DDHD1: variants seen among roughly 807,000 people sequenced by gnomAD.
DDHD1 encodes the protein DDHD domain containing 1.
Under a neutral mutation model 96.4 loss-of-function variants are expected in DDHD1, and 49 were observed. That is an observed-to-expected ratio of 0.51 (90% confidence interval 0.40 to 0.64). DDHD1 has a LOEUF of 0.64. Among genes scored for constraint, DDHD1 ranks in the 30% least tolerant of loss-of-function variants. DDHD1 has a pLI of 0.00. For missense variants in DDHD1, 1,106 were observed against 1,161.2 expected (o/e 0.95, Z 0.69); for synonymous variants, 442 against 446.5 (o/e 0.99, Z 0.13).
In DDHD1 at chr14:53,038,992, T is replaced by G. The variant is rs1474462945; in HGVS notation, c.*7776A>C. 1 of 152,198 alleles carries G rather than the reference T, an allele frequency of 6.6e-6. No individual in the cohort carries two copies. Among genetic ancestry groups the G allele is most frequent in the Non-Finnish European group, 1.5e-5 (1 of 68,028 alleles). 9.4% of individuals were successfully genotyped at this position (152,198 alleles called of 1,614,324 possible). On this transcript the variant is annotated 3_prime_UTR_variant, in exon 13 of 13. Coordinates refer to ENST00000673822, the MANE Select transcript of DDHD1 (RefSeq NM_001160148.2). ...GCAGTAATTAACTTCAACCAGGGGA[T>G]CACAAGACATTATCTTCAAAGACAA...
At chr14:53,152,125 A>ATGAG in intron 1 of DDHD1, 136 bp downstream of exon 1, 1 of 842,296 alleles carries the variant, frequency 1.2e-6, no homozygotes, top group South Asian at 2.6e-5. Flanking sequence ...TCCCTGCTCA[A>ATGAG]TCTCCATCCT....
In DDHD1 at chr14:53,136,051, C is replaced by T. The variant is rs1050987521; in HGVS notation, c.838+16210G>A. 6.6e-5 allele frequency among the ~76,000 whole-genome samples: 10 copies of T among 152,304 alleles called. No homozygotes were observed. In the East Asian group the frequency reaches 1.9e-3, roughly 29 times the overall value. ...GTAATTTGTTTCTGCCCCACCCTAA[C>T]TGATCAATGTGCTTTGTAATTTCCC... On this transcript the variant is annotated intron_variant, in intron 1 of 12. Coordinates refer to ENST00000673822, the MANE Select transcript of DDHD1 (RefSeq NM_001160148.2).
intron 2 of DDHD1, among the ~76,000 whole-genome samples, chr14:53,098,131 A>C (rs943330829): frequency 7.2e-5 from 11 of 152,026 alleles, no homozygotes; most frequent in Admixed American, 5.9e-4. Context: ...TTCAAGTGCC[A>C]GAAAGCACTA....
chr14:53,082,758 CAAAA>C (rs11368593), intron 4 of DDHD1, among the ~76,000 whole-genome samples: 3 of 98,848 alleles, frequency 3.0e-5, no homozygotes, highest in African/African-American at 6.7e-5. Flanking sequence ...GACTCTATCT[CAAAA>C]AAAAAAAAAA....
In DDHD1 at chr14:53,063,181, G is replaced by C. The variant is rs777454889; in HGVS notation, c.1528C>G (p.Leu510Val). 1.2e-5 allele frequency: 20 copies of C among 1,613,582 alleles called. No homozygotes were observed. The South Asian group carries it at 2.1e-4, about 17-fold the overall frequency. The change falls in exon 7 of 13, where the codon CTG (leucine) becomes GTG (valine). Residue 510 changes from leucine to valine, a missense_variant. This residue lies in a region of DDHD1 where 650 missense variants were observed against 758.8 expected (regional missense o/e 0.86). Transcript: ENST00000673822. ...CAGAAAAGGGAATACAATCGATTCA[G>C]CTCTTGCTGAAGGCCTTTAACTAGC... ...DELVKGLQQE[L>V]NRLYSLFCSR...
rs1056272574 is a variant in DDHD1 at position 53,039,213 on chromosome 14, A to C, written c.*7555T>G. 3 of 152,198 alleles carry C rather than the reference A, an allele frequency of 2.0e-5. No individual in the cohort carries two copies. The highest frequency in any genetic ancestry group is 2.9e-5 in the Non-Finnish European group (2 of 68,040). The allele number at this position is 152,198 out of a possible 1,614,324, so 9.4% of individuals were successfully genotyped here. A position where few individuals can be genotyped will look rare whatever the true frequency, so the allele number is the denominator to read the frequency against. Reference sequence around the variant, plus strand: ...TATGCTTCCTTTTCATGGCAGATGCACATAATCCATGTCACAGGAAAGGGT... The same window carrying C: ...TATGCTTCCTTTTCATGGCAGATGCCCATAATCCATGTCACAGGAAAGGGT... On this transcript the variant is annotated 3_prime_UTR_variant, in exon 13 of 13. Coordinates refer to ENST00000673822, the MANE Select transcript of DDHD1 (RefSeq NM_001160148.2).
intron 1 of DDHD1, among the ~76,000 whole-genome samples, chr14:53,115,076 C>T (rs1345694382): frequency 6.6e-6 from 1 of 151,974 alleles, no homozygotes; most frequent in Non-Finnish European, 1.5e-5. Flanking sequence ...CTTCATGAAG[C>T]ATACACAAGA....
Position 53,063,215 on chromosome 14 carries a change from A to G in DDHD1, c.1504-10T>C. 3.7e-6 allele frequency: 6 copies of G among 1,610,164 alleles called. No homozygotes were observed. Among genetic ancestry groups the G allele is most frequent in the Non-Finnish European group, 5.1e-6 (6 of 1,178,838 alleles). ...GAAGGCCTTTAACTAGCTGTTTGAA[A>G]TAAGAAAACATTATCATATTAGACT... On this transcript the variant is annotated splice_polypyrimidine_tract_variant and intron_variant, in intron 6 of 12. Transcript: ENST00000673822.
chr14:53,142,430 T>G (rs933837446), intron 1 of DDHD1, among the ~76,000 whole-genome samples: 1 of 151,696 alleles, frequency 6.6e-6, no homozygotes, highest in Non-Finnish European at 1.5e-5. Context: ...ATAAGAAGAA[T>G]TGTGGGCCAT....
chr14:53,118,483 GA>G (rs1888720123), intron 1 of DDHD1, among the ~76,000 whole-genome samples: 1 of 152,168 alleles, frequency 6.6e-6, no homozygotes, highest in African/African-American at 2.4e-5. Context: ...TGATGGCACT[GA>G]AAACCATGGC....
At chr14:53,060,644 T>C (rs1456019825) in intron 8 of DDHD1, among the ~76,000 whole-genome samples, 1 of 152,208 alleles carries the variant, frequency 6.6e-6, no homozygotes, top group Non-Finnish European at 1.5e-5. Context: ...TTCTAAATAG[T>C]AAATATTTCT....
chr14:53,100,958 C>T (rs1436206308), intron 2 of DDHD1, among the ~76,000 whole-genome samples: 1 of 152,086 alleles, frequency 6.6e-6, no homozygotes, highest in Non-Finnish European at 1.5e-5. Context: ...CATCTGTTGG[C>T]TTTGTCTACT....
rs756517562 is a variant in DDHD1 at position 53,073,844 on chromosome 14, C to T, written c.1293G>A (p.Met431Ile). The T allele has an allele frequency of 6.2e-7, 1 of 1,608,370 alleles. No individual in the cohort carries two copies. Among genetic ancestry groups the T allele is most frequent in the Non-Finnish European group, 8.5e-7 (1 of 1,177,418 alleles). Residue 431 changes from methionine (M) to isoleucine (I), a missense_variant, in exon 5 of 13, where the codon ATG becomes ATA. Around this residue, in one of 2 missense-constraint regions of DDHD1, gnomAD observed 650 missense variants for 758.8 expected, o/e 0.86. Transcript: ENST00000673822. Reference sequence around the variant, plus strand: ...CTTCTATTTTTCTTGCAGCTTCTCTCATCCTAAAAAAACAAACAAACAAAA... The same window carrying T: ...CTTCTATTTTTCTTGCAGCTTCTCTTATCCTAAAAAAACAAACAAACAAAA... ...QGRIIKNTAMMREAARKIEER... is the reference protein window; with the variant it reads ...QGRIIKNTAMIREAARKIEER...
At position 53,081,588 on chromosome 14, in the gene DDHD1, A is replaced by G. The variant is rs564611037; in HGVS notation, c.1290-7741T>C. Among the ~76,000 whole-genome samples, 10 of 152,320 alleles carry G rather than the reference A, an allele frequency of 6.6e-5. No homozygotes were observed. In the East Asian group the frequency reaches 1.5e-3, roughly 24 times the overall value. ...TTGCATCAGTGAGGAGAGGCAAGGG[A>G]TACAGTTATACATCTTACAATGCAC... On this transcript the variant is annotated intron_variant, in intron 4 of 12. Coordinates refer to ENST00000673822, the MANE Select transcript of DDHD1 (RefSeq NM_001160148.2).
chr14:53,099,527 G>A (rs1259145260), intron 2 of DDHD1, among the ~76,000 whole-genome samples: 3 of 152,136 alleles, frequency 2.0e-5, no homozygotes, highest in East Asian at 3.9e-4. Context: ...GTTTTCTCAC[G>A]ACTGAATTGA....
intron 2 of DDHD1, among the ~76,000 whole-genome samples, chr14:53,095,361 A>C (rs1295969778): frequency 6.6e-6 from 1 of 152,206 alleles, no homozygotes; most frequent in Non-Finnish European, 1.5e-5. Flanking sequence ...TGATTTAAAG[A>C]TGGGCTGAAA....
At chr14:53,093,264 G>A in intron 3 of DDHD1, 52 bp downstream of exon 3, 2 of 1,553,938 alleles carry the variant, frequency 1.3e-6, no homozygotes, top group Non-Finnish European at 1.7e-6. Flanking sequence ...GAATATGAGA[G>A]AAAGTCAGAT....
chr14:53,136,409 G>A (rs1890247689), intron 1 of DDHD1, among the ~76,000 whole-genome samples: 1 of 152,196 alleles, frequency 6.6e-6, no homozygotes, highest in Admixed American at 6.5e-5. Context: ...ATTGAGTTTT[G>A]AAACAGCTAA....
chr14:53,126,865 G>C (rs1247577529), intron 1 of DDHD1, among the ~76,000 whole-genome samples: 1 of 152,132 alleles, frequency 6.6e-6, no homozygotes, highest in Non-Finnish European at 1.5e-5. Flanking sequence ...ACAGCGTTTA[G>C]AAGATGGCAA....
Sources: gnomAD v4.1 joint callset for allele counts (sites outside exome capture counted in the v4.1 genomes callset) on GRCh38, gnomAD v4.1.1 for gene constraint, gnomAD v4.1.1 regional missense constraint, MANE v1.5 for transcripts, NCBI Gene and HGNC (gene_info 2026-07-23, HGNC 2026-07-21) for gene names.